PWWP3A: variants seen among roughly 807,000 people sequenced by gnomAD.
The protein encoded by PWWP3A is PWWP domain-containing DNA repair factor 3A.
PWWP3A carries 53 observed loss-of-function variants against 79.0 expected under a neutral mutation model. The ratio of observed to expected loss-of-function variants is 0.67; its 90% CI spans 0.54 to 0.84. PWWP3A has a LOEUF of 0.84. PWWP3A is among the 40% of genes least tolerant of loss of function. The pLI is 0.00. For synonymous variants in PWWP3A, 443 were observed against 394.4 expected (o/e 1.12, Z -1.46); for missense variants, 973 against 948.0 (o/e 1.03, Z -0.35).
chr19:1,358,198 A>G, intron 3 of PWWP3A, 196 bp from the exon 4 acceptor site: 1 of 501,860 alleles, frequency 2.0e-6, no homozygotes, highest in Non-Finnish European at 3.5e-6. Flanking sequence ...GGAAAAAAAA[A>G]AAAAAACCAT....
At position 1,368,286 on chromosome 19, in the gene PWWP3A, G is replaced by A. The variant is rs1272165658; in HGVS notation, c.1423-979G>A. Among the ~76,000 whole-genome samples, 3 of 152,224 alleles carry A rather than the reference G, an allele frequency of 2.0e-5. No homozygotes were observed. The highest frequency in any genetic ancestry group is 4.2e-4 in the South Asian group (2 of 4,814). On this transcript the variant is annotated intron_variant, in intron 9 of 13. Coordinates refer to ENST00000591337, the MANE Select transcript of PWWP3A (RefSeq NM_001369789.1). The surrounding 1 kb of genome is among the most constrained non-coding windows in gnomAD (Gnocchi z 4.7). The stretch of plus-strand genomic sequence containing the variant: ...GGTGAGGAGAAGAGCAGGAAGTTCC[G>A]TGCCTTAAACGCAGAAGGGCTGCCG...
chr19:1,376,305 T>TG (rs1254045256), intron 13 of PWWP3A, among the ~76,000 whole-genome samples: 3 of 97,616 alleles, frequency 3.1e-5, no homozygotes, highest in South Asian at 3.5e-4. Context: ...GTTTTTTTTT[T>TG]TGTTTGTTTT....
Position 1,357,181 on chromosome 19 carries a change from C to G in PWWP3A, c.143+87C>G, listed in dbSNP as rs1465210751. On this transcript the variant is annotated intron_variant, in intron 3 of 13. Transcript: ENST00000591337. Reference sequence around the variant, plus strand: ...CCTACTCCCCCAAAACAGTTGAAGCCCAGCCCACTCTTAATGGGCTTATTC... The same window carrying G: ...CCTACTCCCCCAAAACAGTTGAAGCGCAGCCCACTCTTAATGGGCTTATTC... 2.5e-5 allele frequency: 24 copies of G among 962,144 alleles called. No homozygotes were observed. The East Asian group carries it at 5.6e-4, about 23-fold the overall frequency. The allele number at this position is 962,144 out of a possible 1,614,324, so 59.6% of individuals were successfully genotyped here.
rs568820985 is a variant in PWWP3A at position 1,378,172 on chromosome 19, G to T, written c.*1596G>T. On this transcript the variant is annotated 3_prime_UTR_variant, in exon 14 of 14. Transcript: ENST00000591337. ...TGGCCCCCTGCTGGTCGCTGTTTCGGGGACTCGGGGCGGCCAGTACCACCG... is the reference window on the plus strand; with the variant it reads ...TGGCCCCCTGCTGGTCGCTGTTTCGTGGACTCGGGGCGGCCAGTACCACCG... The T allele has an allele frequency of 6.6e-6, 1 of 152,412 alleles. No individual in the cohort carries two copies. The highest frequency in any genetic ancestry group is 1.9e-4 in the East Asian group (1 of 5,186). The allele number at this position is 152,412 out of a possible 1,614,324, so 9.4% of individuals were successfully genotyped here. A position where few individuals can be genotyped will look rare whatever the true frequency, so the allele number is the denominator to read the frequency against.
At chr19:1,367,067 G>T in intron 8 of PWWP3A, 93 bp from the exon 9 acceptor site, 1 of 976,304 alleles carries the variant, frequency 1.0e-6, no homozygotes, top group South Asian at 1.5e-5. Context: ...GGCCTCCAGC[G>T]GCCTCCACTG....
At position 1,355,462 on chromosome 19, in the gene PWWP3A, C is replaced by T. The variant is rs149230059; in HGVS notation, c.-70+327C>T. 5.4e-3 allele frequency among the ~76,000 whole-genome samples: 584 copies of T among 108,192 alleles called. 6 individuals carry two copies. Among genetic ancestry groups the T allele is most frequent in the African/African-American group, 0.019 (555 of 29,944 alleles). 71.0% of individuals were successfully genotyped at this position (108,192 alleles called of 152,430 possible). ...TGAACCCCATCTCTTGCCTGGACCC[C>T]CATCTGCTTCCCTGGATTCCCCACC... On this transcript the variant is annotated intron_variant, in intron 1 of 13. Transcript: ENST00000591337.
intron 8 of PWWP3A, among the ~76,000 whole-genome samples, chr19:1,366,782 A>G (rs1762879474): frequency 6.6e-6 from 1 of 152,226 alleles, no homozygotes. Context: ...CATGGGATGA[A>G]AGCACACGTG....
chr19:1,361,384 A>G (rs1051202286), intron 5 of PWWP3A, among the ~76,000 whole-genome samples: 1 of 152,182 alleles, frequency 6.6e-6, no homozygotes, highest in African/African-American at 2.4e-5. Context: ...AACTCTTTTA[A>G]CGGAAGCAGT....
At chr19:1,372,946 A>G in intron 12 of PWWP3A, 126 bp from the exon 13 acceptor site, 1 of 695,712 alleles carries the variant, frequency 1.4e-6, no homozygotes, top group Admixed American at 2.6e-5. Flanking sequence ...CTTCTGAACC[A>G]TGAGCTAGAC....
At chr19:1,376,172 C>T (rs1321361863) in intron 13 of PWWP3A, among the ~76,000 whole-genome samples, 5 of 145,578 alleles carry the variant, frequency 3.4e-5, no homozygotes, top group African/African-American at 1.0e-4. Flanking sequence ...GTCGCCCAGG[C>T]TGGAGTACAA....
chr19:1,370,777 A>G lies in PWWP3A; in HGVS notation c.1685A>G (p.Asp562Gly). The change falls in exon 12 of 14, where the codon GAC (aspartate) becomes GGC (glycine). Residue 562 changes from aspartate to glycine, a missense_variant. Coordinates refer to ENST00000591337, the MANE Select transcript of PWWP3A (RefSeq NM_001369789.1). ...QRQPCRKMLP[D>G]RSRAARDRAN... is the part of the protein sequence containing the mutation. The stretch of plus-strand genomic sequence containing the variant: ...CAGCCCTGCCGGAAAATGCTCCCCG[A>G]CCGCTCGCGGGCCGCCCGGGACCGG... The G allele has an allele frequency of 1.3e-6, 2 of 1,532,086 alleles. No homozygotes were observed. The highest frequency in any genetic ancestry group is 1.2e-5 in the South Asian group (1 of 81,238). The allele number at this position is 1,532,086 out of a possible 1,614,324, so 94.9% of individuals were successfully genotyped here.
At position 1,356,416 on chromosome 19, in the gene PWWP3A, C is replaced by T. The variant is rs1204002180; in HGVS notation, c.24C>T (p.Leu8=). The change falls in exon 2 of 14, where the codon CTC becomes CTT. Residue 8 remains leucine (L), a synonymous_variant. Coordinates refer to ENST00000591337, the MANE Select transcript of PWWP3A (RefSeq NM_001369789.1). ...TGATGGCGGATGCCAAGTATGTCCT[C>T]TGCCGATGGGAAAAGCGATTATGGC... The part of the protein sequence containing the change: MADAKYV[L]CRWEKRLWPA... The T allele has an allele frequency of 3.1e-6, 5 of 1,614,170 alleles. No homozygotes were observed. Among genetic ancestry groups the T allele is most frequent in the Non-Finnish European group, 3.4e-6 (4 of 1,180,000 alleles).
chr19:1,371,614 T>A (rs1013524191), intron 12 of PWWP3A: 7 of 582,608 alleles, frequency 1.2e-5, no homozygotes, highest in Non-Finnish European at 2.1e-5. Flanking sequence ...ATTTTGAAGT[T>A]TGTATCTGAA....
Position 1,378,234 on chromosome 19 carries a change from C to G in PWWP3A, c.*1658C>G, listed in dbSNP as rs943262750. ...GCTCAGCAGCGTTGCATGTACGGGC[C>G]TCGTACTGCCTCATGGAAAATCCTC... On this transcript the variant is annotated 3_prime_UTR_variant, in exon 14 of 14. Transcript: ENST00000591337. 2 of 152,394 alleles carry G rather than the reference C, an allele frequency of 1.3e-5. No individual in the cohort carries two copies. Among genetic ancestry groups the G allele is most frequent in the African/African-American group, 2.4e-5 (1 of 41,600 alleles). 9.4% of individuals were successfully genotyped at this position (152,394 alleles called of 1,614,324 possible).
chr19:1,358,483 G>A lies in PWWP3A; in HGVS notation c.214+19G>A, dbSNP rs950890038. 3 of 1,613,010 alleles carry A rather than the reference G, an allele frequency of 1.9e-6. No individual in the cohort carries two copies. The highest frequency in any genetic ancestry group is 2.5e-6 in the Non-Finnish European group (3 of 1,179,316). On this transcript the variant is annotated intron_variant, in intron 4 of 13. Transcript: ENST00000591337. ...TCGTTAGGTAAGAGCGTATTTTTAA[G>A]TGGCCACTAGGTTTTCATAAAATAA...
chr19:1,357,738 A>G (rs914719014), intron 3 of PWWP3A: 1 of 146,904 alleles, frequency 6.8e-6, no homozygotes, highest in African/African-American at 2.5e-5. Flanking sequence ...ATCATCTAGA[A>G]TGACGGCGAT....
intron 13 of PWWP3A, among the ~76,000 whole-genome samples, chr19:1,374,617 C>T (rs111916897): frequency 3.9e-5 from 6 of 152,262 alleles, no homozygotes; most frequent in Non-Finnish European, 7.3e-5. Context: ...AGCCAGCAGC[C>T]GTTGTTGATC....
At position 1,369,571 on chromosome 19, in the gene PWWP3A, G is replaced by GCT. The variant is rs1324749331; in HGVS notation, c.1499-19_1499-18dup. On this transcript the variant is annotated intron_variant, in intron 10 of 13. Coordinates refer to ENST00000591337, the MANE Select transcript of PWWP3A (RefSeq NM_001369789.1). This position sits in a 1 kb window ranked among gnomAD's most constrained non-coding sequence, Gnocchi z 4.0. ...GGGACTCCTCTTAGGTCTACACAGT[G>GCT]CTCTCTCCCCTCCACCCCCTGCAGG... The GCT allele has an allele frequency of 3.1e-6, 5 of 1,613,776 alleles. No homozygotes were observed. The highest frequency in any genetic ancestry group is 4.2e-6 in the Non-Finnish European group (5 of 1,179,812).
Position 1,368,886 on chromosome 19 carries a change from C to T in PWWP3A, c.1423-379C>T, listed in dbSNP as rs2082186606. ...CACCTGCGTTCAGACCAGCCCAAGC[C>T]ATCGGGTCCCCGGTGCCCACCTGCG... On this transcript the variant is annotated intron_variant, in intron 9 of 13. Transcript: ENST00000591337. This position sits in a 1 kb window ranked among gnomAD's most constrained non-coding sequence, Gnocchi z 4.7. 6.9e-6 allele frequency among the ~76,000 whole-genome samples: 1 copy of T among 145,694 alleles called. No individual in the cohort carries two copies. The highest frequency in any genetic ancestry group is 2.2e-4 in the South Asian group (1 of 4,648).
Sources: allele counts gnomAD v4.1 joint callset (sites outside exome capture counted in the v4.1 genomes callset), GRCh38; gene constraint gnomAD v4.1.1; non-coding constraint Gnocchi (gnomAD v3.1); transcripts MANE v1.5; gene names NCBI Gene and HGNC (gene_info 2026-07-23, HGNC 2026-07-21).